The following EYS variants were observed in gnomAD, a reference collection of about 807,000 sequenced individuals.
The protein encoded by EYS is EGF-like photoreceptor maintenance factor, also known as protein eyes shut homolog.
A neutral mutation model predicts 282.1 loss-of-function variants in EYS; 250 were observed. That is an observed-to-expected ratio of 0.89 (90% CI 0.80 to 0.98). The LOEUF is 0.98. Ranked by LOEUF, EYS falls within the 50% of genes least tolerant of loss-of-function variation. EYS has a pLI of 0.00. For missense variants in EYS, 4,016 were observed against 3,709.0 expected (o/e 1.08, Z -2.15); for synonymous variants, 1,355 against 1,282.9 (o/e 1.06, Z -1.20).
At chr6:65,225,657 T>G (rs1165381115) in intron 12 of EYS, among the ~76,000 whole-genome samples, 1 of 148,288 alleles carries the variant, frequency 6.7e-6, no homozygotes, top group Admixed American at 6.8e-5. Context: ...GAGGTTGCAG[T>G]GAGCCAAGAT....
intron 41 of EYS, among the ~76,000 whole-genome samples, chr6:63,743,194 AT>A (rs1430350474): frequency 6.6e-6 from 1 of 152,162 alleles, no homozygotes; most frequent in Admixed American, 6.5e-5. Flanking sequence ...ATATCTCATT[AT>A]TCATAAACTG....
chr6:64,880,524 T>G (rs1766880775), intron 19 of EYS, among the ~76,000 whole-genome samples: 1 of 151,676 alleles, frequency 6.6e-6, no homozygotes, highest in Admixed American at 6.6e-5. Flanking sequence ...TCTATACACA[T>G]TTGTATATCT....
intron 22 of EYS, among the ~76,000 whole-genome samples, chr6:64,706,795 TA>T (rs530195338): frequency 2.0e-5 from 3 of 150,976 alleles, no homozygotes; most frequent in African/African-American, 4.9e-5. Context: ...ATGGCCAAAA[TA>T]AAAAAAATCA....
chr6:64,036,978 G>A (rs1164326402), intron 33 of EYS, among the ~76,000 whole-genome samples: 3 of 152,070 alleles, frequency 2.0e-5, no homozygotes, highest in Non-Finnish European at 2.9e-5. Flanking sequence ...AATATTTGGA[G>A]TGTGAGATAA....
chr6:65,044,100 G>T (rs564687576), intron 13 of EYS, among the ~76,000 whole-genome samples: 4 of 151,402 alleles, frequency 2.6e-5, no homozygotes, highest in Non-Finnish European at 5.9e-5. Flanking sequence ...GTGATATTTC[G>T]TTGTGGTTTT....
chr6:65,522,718 A>G (rs982875827), intron 2 of EYS, among the ~76,000 whole-genome samples: 3 of 152,122 alleles, frequency 2.0e-5, no homozygotes, highest in Admixed American at 1.3e-4. Flanking sequence ...AAGTTATTGA[A>G]TATGTATTTG....
chr6:65,194,849 A>C (rs1765726842), intron 12 of EYS, among the ~76,000 whole-genome samples: 1 of 142,648 alleles, frequency 7.0e-6, no homozygotes, highest in African/African-American at 2.5e-5. Flanking sequence ...CATGTTTGCC[A>C]GTTGTTTTTT....
At chr6:64,574,171 C>T (rs1765808491) in intron 26 of EYS, among the ~76,000 whole-genome samples, 1 of 152,144 alleles carries the variant, frequency 6.6e-6, no homozygotes, top group Non-Finnish European at 1.5e-5. Context: ...CAAACTAACA[C>T]AGGAACGGAA....
At chr6:64,658,535 G>A (rs4473842) in intron 22 of EYS, among the ~76,000 whole-genome samples, 97,144 of 151,884 alleles carry the variant, frequency 0.64, 31,287 homozygotes, top group African/African-American at 0.71. Context: ...GGGTTTTGGT[G>A]TGGATGTCCT....
intron 22 of EYS, among the ~76,000 whole-genome samples, chr6:64,724,044 T>C (rs1029741690): frequency 6.6e-6 from 1 of 152,074 alleles, no homozygotes; most frequent in African/African-American, 2.4e-5. Flanking sequence ...ACTCTTAATG[T>C]CTCATAATGT....
intron 22 of EYS, among the ~76,000 whole-genome samples, chr6:64,627,916 A>G (rs913130274): frequency 2.0e-5 from 3 of 151,984 alleles, no homozygotes; most frequent in African/African-American, 7.2e-5. Flanking sequence ...AATCTCTACT[A>G]AAAAATACAA....
At chr6:65,391,706 G>T (rs1292452160) in intron 7 of EYS, among the ~76,000 whole-genome samples, 2 of 152,120 alleles carry the variant, frequency 1.3e-5, no homozygotes, top group Admixed American at 1.3e-4. Flanking sequence ...CCATGCTCAT[G>T]GGTAGGAAGA....
chr6:64,670,025 C>G (rs575240846), intron 22 of EYS, among the ~76,000 whole-genome samples: 1 of 152,168 alleles, frequency 6.6e-6, no homozygotes, highest in African/African-American at 2.4e-5. Context: ...AGCTTTACAA[C>G]CTAGGACTAA....
chr6:64,623,920 A>G (rs993886912), intron 23 of EYS, among the ~76,000 whole-genome samples: 3 of 152,166 alleles, frequency 2.0e-5, no homozygotes, highest in African/African-American at 7.2e-5. Flanking sequence ...CAGGAGCAAG[A>G]TTATTCCTTA....
intron 26 of EYS, among the ~76,000 whole-genome samples, chr6:64,451,524 C>T (rs1775342905): frequency 6.6e-6 from 1 of 152,126 alleles, no homozygotes; most frequent in Non-Finnish European, 1.5e-5. Context: ...CCAGCATCAA[C>T]CTGATACCAA....
intron 26 of EYS, among the ~76,000 whole-genome samples, chr6:64,527,489 A>C (rs768265353): frequency 6.6e-6 from 1 of 151,852 alleles, no homozygotes; most frequent in African/African-American, 2.4e-5. Context: ...GACCATATAC[A>C]TTCTGAAACA....
intron 19 of EYS, among the ~76,000 whole-genome samples, chr6:64,849,131 A>T (rs1356901664): frequency 6.6e-6 from 1 of 152,022 alleles, no homozygotes; most frequent in Non-Finnish European, 1.5e-5. Context: ...TTTTGACATC[A>T]AGCTTGGGTC....
chr6:64,593,858 C>T (rs1392131120), intron 24 of EYS, among the ~76,000 whole-genome samples: 1 of 151,964 alleles, frequency 6.6e-6, no homozygotes, highest in African/African-American at 2.4e-5. Context: ...ATAGCTTTCA[C>T]ATGAAGAAAC....
At chr6:64,643,346 G>T (rs993304276) in intron 22 of EYS, among the ~76,000 whole-genome samples, 1 of 152,162 alleles carries the variant, frequency 6.6e-6, no homozygotes, top group Non-Finnish European at 1.5e-5. Context: ...TACTTTGGAG[G>T]TTTAAAGTAA....
Sources: allele counts gnomAD v4.1 joint callset (sites outside exome capture counted in the v4.1 genomes callset), GRCh38; gene constraint gnomAD v4.1.1; transcripts MANE v1.5; gene names NCBI Gene and HGNC (gene_info 2026-07-23, HGNC 2026-07-21).